SVEP1: variants seen among roughly 807,000 people sequenced by gnomAD.
SVEP1 encodes the protein sushi, von Willebrand factor type A, EGF and pentraxin domain-containing protein 1.
SVEP1 carries 164 observed loss-of-function variants against 367.3 expected under a neutral mutation model. The ratio of observed to expected loss-of-function variants is 0.45; its 90% CI spans 0.39 to 0.51. The LOEUF (loss-of-function observed/expected upper bound fraction) is 0.51, where lower values mean the gene tolerates loss of function less well. Among genes scored for constraint, SVEP1 ranks in the 20% least tolerant of loss-of-function variants. SVEP1 has a pLI of 0.00. For synonymous variants in SVEP1, 1,666 were observed against 1,611.6 expected (o/e 1.03, Z -0.81); for missense variants, 4,117 against 4,425.3 (o/e 0.93, Z 1.98).
At chr9:110,367,023 T>C (rs1394894708) in intron 47 of SVEP1, among the ~76,000 whole-genome samples, 2 of 152,210 alleles carry the variant, frequency 1.3e-5, no homozygotes, top group Non-Finnish European at 2.9e-5. Flanking sequence ...TATTTATCAG[T>C]AGAGAAGGTA....
At chr9:110,497,731 C>T (rs370818612) in intron 7 of SVEP1, among the ~76,000 whole-genome samples, 3 of 152,210 alleles carry the variant, frequency 2.0e-5, no homozygotes, top group African/African-American at 2.4e-5. Context: ...CACAGATGCA[C>T]GCCAGTTATG....
chr9:110,383,747 C>T (rs1349269188), intron 43 of SVEP1, among the ~76,000 whole-genome samples: 1 of 152,160 alleles, frequency 6.6e-6, no homozygotes, highest in Non-Finnish European at 1.5e-5. Flanking sequence ...CCACATGGAG[C>T]CCCAGGGGCT....
intron 47 of SVEP1, among the ~76,000 whole-genome samples, chr9:110,369,286 A>C (rs544159258): frequency 6.6e-6 from 1 of 152,302 alleles, no homozygotes; most frequent in South Asian, 2.1e-4. Flanking sequence ...AGTATTTTTA[A>C]ACTGTGATAT....
At chr9:110,471,271 T>C (rs943797059) in intron 16 of SVEP1, 93 bp downstream of exon 16, 2 of 1,034,550 alleles carry the variant, frequency 1.9e-6, no homozygotes, top group African/African-American at 1.6e-5. Flanking sequence ...ATATGTTTCA[T>C]TTCAATATCC....
chr9:110,397,929 A>G (rs1196478800), intron 40 of SVEP1, among the ~76,000 whole-genome samples: 1 of 151,600 alleles, frequency 6.6e-6, no homozygotes, highest in East Asian at 1.9e-4. Flanking sequence ...AAGGTAATTT[A>G]TAGATTCAAT....
At chr9:110,523,719 G>A (rs1015631177) in intron 3 of SVEP1, among the ~76,000 whole-genome samples, 2 of 152,182 alleles carry the variant, frequency 1.3e-5, no homozygotes, top group Non-Finnish European at 2.9e-5. Flanking sequence ...AAGTTGAAGG[G>A]GAAATTTATA....
intron 22 of SVEP1, among the ~76,000 whole-genome samples, chr9:110,452,008 T>A (rs1286277473): frequency 1.3e-5 from 2 of 152,140 alleles, no homozygotes; most frequent in Non-Finnish European, 2.9e-5. Flanking sequence ...CCATAAATCT[T>A]CATGTTCAAG....
At chr9:110,393,490 G>A (rs898736329) in intron 40 of SVEP1, among the ~76,000 whole-genome samples, 1 of 152,166 alleles carries the variant, frequency 6.6e-6, no homozygotes, top group African/African-American at 2.4e-5. Flanking sequence ...TGAGGTACCG[G>A]GTTCATCTCA....
chr9:110,459,029 C>T lies in SVEP1; in HGVS notation c.3407G>A (p.Gly1136Glu). ...CPRDYYQPNA[G>E]KAFCLACPFY... ...GGGACAGGCCAGGCAGAAGGCCTTC[C>T]CTGCATTAGGTTGGTAATAGTCACG... The change falls in exon 19 of 48, where the codon GGG (glycine) becomes GAG (glutamate). Residue 1136 changes from glycine (G) to glutamate (E), a missense_variant. This residue lies in a region of SVEP1 where 2,174 missense variants were observed against 2,494.3 expected (regional missense o/e 0.87). Transcript: ENST00000374469. 1 of 1,613,786 alleles carries T rather than the reference C, an allele frequency of 6.2e-7. No homozygotes were observed. The highest frequency in any genetic ancestry group is 8.5e-7 in the Non-Finnish European group (1 of 1,179,772).
chr9:110,430,106 T>TA, intron 33 of SVEP1, 102 bp from the exon 34 acceptor site: 7 of 1,285,946 alleles, frequency 5.4e-6, no homozygotes, highest in Non-Finnish European at 7.2e-6. Context: ...TTGTTTGTTT[T>TA]CTTTTTTTTT....
chr9:110,448,727 A>G (rs1421593573), intron 24 of SVEP1, among the ~76,000 whole-genome samples: 1 of 152,232 alleles, frequency 6.6e-6, no homozygotes, highest in Non-Finnish European at 1.5e-5. Context: ...AACCCAGGAA[A>G]GAGTTTAGAA....
chr9:110,370,028 A>C lies in SVEP1; in HGVS notation c.10601-12T>G. 6.2e-7 allele frequency: 1 copy of C among 1,609,116 alleles called. No homozygotes were observed. Among genetic ancestry groups the C allele is most frequent in the Non-Finnish European group, 8.5e-7 (1 of 1,176,938 alleles). On this transcript the variant is annotated splice_polypyrimidine_tract_variant and intron_variant, in intron 46 of 47. Coordinates refer to ENST00000374469, the MANE Select transcript of SVEP1 (RefSeq NM_153366.4). ...AGACTGGCAAACAGCTGGAATAAAA[A>C]ACCCATGCATTTATTTAATTAATAC... is the stretch of plus-strand genomic sequence containing the variant.
At position 110,499,241 on chromosome 9, in the gene SVEP1, A is replaced by T. The variant is rs1588082211; in HGVS notation, c.1484-3T>A. 1.2e-6 allele frequency: 2 copies of T among 1,608,110 alleles called. No individual in the cohort carries two copies. The highest frequency in any genetic ancestry group is 2.7e-5 in the African/African-American group (2 of 74,732). On this transcript the variant is annotated splice_polypyrimidine_tract_variant and splice_region_variant and intron_variant, in intron 6 of 47. Transcript: ENST00000374469. The stretch of plus-strand genomic sequence containing the variant: ...CTGAAAGGTGGAACAGTGGCGCTCT[A>T]CGGTAGGGAAACAGAGAGAATGTTA...
Position 110,385,956 on chromosome 9 carries a change from G to T in SVEP1, c.10179C>A (p.His3393Gln), listed in dbSNP as rs532646767. ...CGTCGGGGTTGCAGGTAATGATGCC[G>T]TGGCCCTGCAGCAGAAAACCTTCCC... ...KCREGFLLQG[H>Q]GIITCNPDET... The change falls in exon 43 of 48, where the codon CAC (histidine) becomes CAA (glutamine). Residue 3393 changes from histidine to glutamine, a missense_variant. By Grantham distance (24) the His-to-Gln change is conservative. Transcript: ENST00000374469. 3.2e-5 allele frequency: 51 copies of T among 1,613,838 alleles called. 1 individual carries two copies. In the South Asian group the frequency reaches 5.4e-4, roughly 17 times the overall value.
At chr9:110,518,643 C>T (rs1829839187) in intron 3 of SVEP1, among the ~76,000 whole-genome samples, 1 of 152,188 alleles carries the variant, frequency 6.6e-6, no homozygotes, top group Admixed American at 6.5e-5. Context: ...GGCTCTCTGA[C>T]CTTGGAGACC....
intron 35 of SVEP1, among the ~76,000 whole-genome samples, chr9:110,428,868 C>T (rs538756319): frequency 7.0e-4 from 106 of 152,144 alleles, no homozygotes; most frequent in African/African-American, 2.4e-3. Flanking sequence ...CTCAAGAGTT[C>T]GAGACTAGTC....
chr9:110,515,719 T>C (rs1382474739), intron 3 of SVEP1, among the ~76,000 whole-genome samples: 2 of 152,206 alleles, frequency 1.3e-5, no homozygotes, highest in Admixed American at 1.3e-4. Context: ...ATATCCATTT[T>C]AAACATCAGA....
At chr9:110,529,729 CTT>C (rs975526080) in intron 3 of SVEP1, among the ~76,000 whole-genome samples, 4 of 152,018 alleles carry the variant, frequency 2.6e-5, no homozygotes, top group African/African-American at 9.7e-5. Flanking sequence ...TAATCTGAGA[CTT>C]TACTAAATTC....
At chr9:110,457,416 AT>A in intron 20 of SVEP1, 64 bp from the exon 21 acceptor site, 1 of 1,315,932 alleles carries the variant, frequency 7.6e-7, no homozygotes, top group Non-Finnish European at 1.1e-6. Context: ...AGCAGTCCTG[AT>A]TAGAGTCAGG....
Sources: allele counts gnomAD v4.1 joint callset (sites outside exome capture counted in the v4.1 genomes callset), GRCh38; gene constraint gnomAD v4.1.1; regional missense constraint gnomAD v4.1.1; transcripts MANE v1.5; gene names NCBI Gene and HGNC (gene_info 2026-07-23, HGNC 2026-07-21).